ATF6: variants seen among roughly 807,000 people sequenced by gnomAD.
ATF6 encodes cyclic AMP-dependent transcription factor ATF-6 alpha.
ATF6 carries 53 observed loss-of-function variants against 83.6 expected under a neutral mutation model. That is an observed-to-expected ratio of 0.63 (90% confidence interval 0.51 to 0.80). The LOEUF is 0.80. ATF6 is among the 30% of genes least tolerant of loss of function. ATF6 has a pLI of 0.00. For synonymous variants in ATF6, 288 were observed against 285.8 expected, an observed-to-expected ratio of 1.01 and a Z score of -0.08; for missense variants, 744 against 797.9, an observed-to-expected ratio of 0.93 and a Z score of 0.81.
chr1:161,922,591 A>C (rs1054445530), intron 15 of ATF6, among the ~76,000 whole-genome samples: 4 of 152,052 alleles, frequency 2.6e-5, no homozygotes, highest in Non-Finnish European at 4.4e-5. Context: ...TCAGGGGTAG[A>C]GAAGACCTTT....
chr1:161,773,725 C>G (rs1684452695), intron 1 of ATF6, among the ~76,000 whole-genome samples: 1 of 152,116 alleles, frequency 6.6e-6, no homozygotes, highest in African/African-American at 2.4e-5. Flanking sequence ...TAGTAACTAC[C>G]ATTATTTACT....
At chr1:161,868,873 G>A (rs559394805) in intron 14 of ATF6, among the ~76,000 whole-genome samples, 1 of 152,174 alleles carries the variant, frequency 6.6e-6, no homozygotes, top group Admixed American at 6.5e-5. Flanking sequence ...GTGTTTAACA[G>A]CTTTCTATGT....
intron 15 of ATF6, among the ~76,000 whole-genome samples, chr1:161,955,515 C>G (rs971221359): frequency 3.9e-5 from 6 of 152,192 alleles, no homozygotes; most frequent in African/African-American, 1.4e-4. Flanking sequence ...TGAGTTACCA[C>G]GAGCTGTTTC....
intron 1 of ATF6, among the ~76,000 whole-genome samples, chr1:161,771,128 T>A (rs1684380092): frequency 6.6e-6 from 1 of 152,070 alleles, no homozygotes; most frequent in African/African-American, 2.4e-5. Flanking sequence ...TGTTTTACCC[T>A]CCTCTCTCCT....
chr1:161,805,738 CA>C (rs1027795290), intron 7 of ATF6, among the ~76,000 whole-genome samples: 32 of 150,516 alleles, frequency 2.1e-4, no homozygotes, highest in African/African-American at 6.8e-4. Flanking sequence ...TTAAAATGAT[CA>C]AAAAAATATT....
Position 161,797,011 on chromosome 1 carries a change from T to A in ATF6, c.688+4684T>A, listed in dbSNP as rs1224787547. Among the ~76,000 whole-genome samples, 4 of 152,144 alleles carry A rather than the reference T, an allele frequency of 2.6e-5. No homozygotes were observed. The East Asian group carries it at 7.7e-4, about 29-fold the overall frequency. On this transcript the variant is annotated intron_variant, in intron 6 of 15. Transcript: ENST00000367942. ...ATTGTTATTAAAACCTAACACTTGG[T>A]CATATGCTATTTACTTTATGTGTTT...
chr1:161,900,003 C>T (rs542491460), intron 14 of ATF6, among the ~76,000 whole-genome samples: 131 of 152,286 alleles, frequency 8.6e-4, no homozygotes, highest in Middle Eastern at 3.4e-3. Context: ...TGTGTCTGCA[C>T]AGGTTTTCTC....
At chr1:161,908,750 A>G (rs954478999) in intron 14 of ATF6, among the ~76,000 whole-genome samples, 1 of 152,182 alleles carries the variant, frequency 6.6e-6, no homozygotes, top group Non-Finnish European at 1.5e-5. Flanking sequence ...CTATGGCAAC[A>G]TTCTTATTCT....
intron 15 of ATF6, among the ~76,000 whole-genome samples, chr1:161,939,873 C>T (rs746021997): frequency 4.6e-5 from 7 of 152,170 alleles, no homozygotes; most frequent in Non-Finnish European, 8.8e-5. Context: ...TGGCTTCCAG[C>T]TAAAATGGAG....
intron 7 of ATF6, among the ~76,000 whole-genome samples, chr1:161,808,079 C>T (rs943806883): frequency 2.6e-5 from 4 of 151,730 alleles, no homozygotes; most frequent in African/African-American, 7.3e-5. Flanking sequence ...GGGGTTTCAC[C>T]AGTTTGGCCA....
intron 9 of ATF6, among the ~76,000 whole-genome samples, chr1:161,833,938 C>G (rs1489650776): frequency 6.6e-6 from 1 of 152,110 alleles, no homozygotes; most frequent in African/African-American, 2.4e-5. Flanking sequence ...AAGAGCAACT[C>G]CAAGCCACAT....
chr1:161,924,147 G>A (rs540674686), intron 15 of ATF6, among the ~76,000 whole-genome samples: 4 of 152,294 alleles, frequency 2.6e-5, no homozygotes, highest in South Asian at 4.2e-4. Flanking sequence ...GCACAGGTTC[G>A]ACTGCTCTGC....
intron 7 of ATF6, among the ~76,000 whole-genome samples, chr1:161,802,774 G>A (rs535878034): frequency 1.3e-5 from 2 of 152,148 alleles, no homozygotes; most frequent in Non-Finnish European, 2.9e-5. Context: ...GTCTCTTAGT[G>A]ATTATTTGGT....
rs367729070 is a variant in ATF6, at chr1:161,767,614, G to A, written c.82+1172G>A. The stretch of plus-strand genomic sequence containing the variant: ...TTATTTTAGAGATGAGGAAACTGAG[G>A]CTAACAGAATTTGTGCTCAGATTCT... On this transcript the variant is annotated intron_variant, in intron 1 of 15. Transcript: ENST00000367942. Among the ~76,000 whole-genome samples the A allele has an allele frequency of 8.6e-4, 131 of 152,276 alleles. 8 individuals carry two copies. In the South Asian group the frequency reaches 0.027, roughly 31 times the overall value.
chr1:161,922,798 G>A (rs1277336305), intron 15 of ATF6, among the ~76,000 whole-genome samples: 1 of 152,006 alleles, frequency 6.6e-6, no homozygotes, highest in East Asian at 1.9e-4. Flanking sequence ...AGTAGGGAGA[G>A]GAAGGAATGA....
At chr1:161,865,647 G>T (rs1337940655) in intron 14 of ATF6, among the ~76,000 whole-genome samples, 1 of 152,126 alleles carries the variant, frequency 6.6e-6, no homozygotes, top group African/African-American at 2.4e-5. Context: ...AAGACTGTTA[G>T]GACTGGCTCT....
intron 14 of ATF6, among the ~76,000 whole-genome samples, chr1:161,907,508 C>A (rs74530405): frequency 0.099 from 15,057 of 152,130 alleles, 1,327 homozygotes; most frequent in East Asian, 0.33. Context: ...CTGTGTTGAT[C>A]TGTGTGAAAG....
At chr1:161,838,518 A>T (rs954194095) in intron 9 of ATF6, among the ~76,000 whole-genome samples, 1 of 152,114 alleles carries the variant, frequency 6.6e-6, no homozygotes, top group African/African-American at 2.4e-5. Context: ...GCTCATTCAC[A>T]TGGCCAGTAA....
Position 161,958,591 on chromosome 1 carries a change from C to T in ATF6, c.1950C>T (p.Gly650=). 1 of 1,614,040 alleles carries T rather than the reference C, an allele frequency of 6.2e-7. No homozygotes were observed. The highest frequency in any genetic ancestry group is 1.1e-5 in the South Asian group (1 of 91,060). The stretch of plus-strand genomic sequence containing the variant: ...GGAATCAAACCAACACCTTCTTTGG[C>T]TCCCCTCCCGCAGCCACAGAGGCAA... ...QQRNQTNTFF[G]SPPAATEATH... The change falls in exon 16 of 16, where the codon GGC becomes GGT. Residue 650 remains glycine (G), a synonymous_variant. Coordinates refer to ENST00000367942, the MANE Select transcript of ATF6 (RefSeq NM_007348.4).
Sources: gnomAD v4.1 joint callset for allele counts (sites outside exome capture counted in the v4.1 genomes callset) on GRCh38, gnomAD v4.1.1 for gene constraint, MANE v1.5 for transcripts, NCBI Gene and HGNC (gene_info 2026-07-23, HGNC 2026-07-21) for gene names.